The following DHX36 variants were observed in gnomAD, a reference collection of about 807,000 sequenced individuals.
DHX36 encodes the protein ATP-dependent DNA/RNA helicase DHX36.
A neutral mutation model predicts 139.0 loss-of-function variants in DHX36; 50 were observed. That is an observed-to-expected ratio of 0.36 (90% CI 0.29 to 0.46). The LOEUF is 0.46. DHX36 is among the 20% of genes least tolerant of loss of function. DHX36 has a pLI of 1.00. For missense variants in DHX36, 1,024 were observed against 1,211.3 expected (o/e 0.85, Z 2.29); for synonymous variants, 425 against 401.9 (o/e 1.06, Z -0.69).
At chr3:154,320,612 CAT>C (rs1036452205) in intron 1 of DHX36, among the ~76,000 whole-genome samples, 6 of 152,230 alleles carry the variant, frequency 3.9e-5, no homozygotes, top group African/African-American at 1.4e-4. Flanking sequence ...ATATCAAACT[CAT>C]AGTGTCCATA....
intron 12 of DHX36, among the ~76,000 whole-genome samples, chr3:154,297,826 T>C (rs575697352): frequency 4.6e-4 from 70 of 152,146 alleles, no homozygotes; most frequent in African/African-American, 1.6e-3. Context: ...GACTATATAA[T>C]TGGGAAAAAA....
intron 6 of DHX36, 72 bp downstream of exon 6, chr3:154,306,144 C>A: frequency 8.8e-7 from 1 of 1,133,514 alleles, no homozygotes; most frequent in Non-Finnish European, 1.3e-6. Context: ...GGGAAAATAT[C>A]CTTTCTTTTG....
At chr3:154,295,226 G>T in intron 13 of DHX36, 58 bp downstream of exon 13, 1 of 1,014,482 alleles carries the variant, frequency 9.9e-7, no homozygotes, top group Non-Finnish European at 1.5e-6. Flanking sequence ...GTAACAAGCA[G>T]TCCTTAAAGC....
At chr3:154,318,548 G>A (rs1391914303) in intron 1 of DHX36, among the ~76,000 whole-genome samples, 2 of 106,146 alleles carry the variant, frequency 1.9e-5, no homozygotes, top group African/African-American at 3.6e-5. Flanking sequence ...TAACATAACA[G>A]TCTACTGAAA....
intron 20 of DHX36, 30 bp downstream of exon 20, chr3:154,283,158 T>C (rs1027804181): frequency 3.3e-6 from 5 of 1,514,994 alleles, no homozygotes; most frequent in African/African-American, 2.7e-5. Flanking sequence ...CTAGCATATA[T>C]GATAATTACT....
intron 21 of DHX36, 44 bp downstream of exon 21, chr3:154,280,719 C>A: frequency 6.2e-7 from 1 of 1,603,514 alleles, no homozygotes; most frequent in South Asian, 1.1e-5. Context: ...AATACTGATA[C>A]AATAGACAAA....
chr3:154,276,103 A>G lies in DHX36; in HGVS notation c.*68T>C. 6.6e-7 allele frequency: 1 copy of G among 1,518,992 alleles called. No individual in the cohort carries two copies. The highest frequency in any genetic ancestry group is 1.3e-5 in the South Asian group (1 of 78,924). 94.1% of individuals were successfully genotyped at this position (1,518,992 alleles called of 1,614,324 possible). A position where few individuals can be genotyped will look rare whatever the true frequency, so the allele number is the denominator to read the frequency against. Reference sequence around the variant, plus strand: ...GTTCATGTCCCAGGGTTTGGCATCCAGCCAAAATTTAAACAATGATGAAGA... The same window carrying G: ...GTTCATGTCCCAGGGTTTGGCATCCGGCCAAAATTTAAACAATGATGAAGA... On this transcript the variant is annotated 3_prime_UTR_variant, in exon 25 of 25. Coordinates refer to ENST00000496811, the MANE Select transcript of DHX36 (RefSeq NM_020865.3).
intron 6 of DHX36, 97 bp downstream of exon 6, chr3:154,306,119 A>C: frequency 2.2e-6 from 2 of 891,514 alleles, no homozygotes; most frequent in East Asian, 5.0e-5. Context: ...AATAGTAATA[A>C]CCATCATAAA....
intron 12 of DHX36, among the ~76,000 whole-genome samples, chr3:154,296,406 G>A (rs896994497): frequency 4.6e-5 from 7 of 152,038 alleles, no homozygotes; most frequent in African/African-American, 1.4e-4. Flanking sequence ...CCTGGGAGGC[G>A]GAGCTTGCAG....
intron 5 of DHX36, 96 bp downstream of exon 5, chr3:154,309,557 G>T: frequency 3.6e-6 from 4 of 1,102,578 alleles, no homozygotes; most frequent in Non-Finnish European, 2.5e-6. Flanking sequence ...CCAATCCTAA[G>T]CCTAATTAAG....
chr3:154,288,753 G>A, intron 17 of DHX36, 113 bp downstream of exon 17: 1 of 476,950 alleles, frequency 2.1e-6, no homozygotes, highest in Non-Finnish European at 3.6e-6. Context: ...ATCAAATTTG[G>A]CATTGGACAT....
rs1415047644 is a variant in DHX36 at position 154,274,909 on chromosome 3, G to C, written c.*1262C>G. On this transcript the variant is annotated 3_prime_UTR_variant, in exon 25 of 25. Coordinates refer to ENST00000496811, the MANE Select transcript of DHX36 (RefSeq NM_020865.3). ...ATCACAATCTGATAGGGCTGAAAAT[G>C]TACAGCATGTGTTGTTACACTATTC... The C allele has an allele frequency of 6.6e-6, 1 of 152,204 alleles. No homozygotes were observed. The highest frequency in any genetic ancestry group is 1.5e-5 in the Non-Finnish European group (1 of 68,046). The allele number at this position is 152,204 out of a possible 1,614,324, so 9.4% of individuals were successfully genotyped here.
chr3:154,289,837 A>C lies in DHX36; in HGVS notation c.1815-11T>G, dbSNP rs1711712423. 6.6e-7 allele frequency: 1 copy of C among 1,508,424 alleles called. No homozygotes were observed. The highest frequency in any genetic ancestry group is 1.2e-5 in the South Asian group (1 of 81,888). 93.4% of individuals were successfully genotyped at this position (1,508,424 alleles called of 1,614,324 possible). On this transcript the variant is annotated splice_polypyrimidine_tract_variant and intron_variant, in intron 15 of 24. Coordinates refer to ENST00000496811, the MANE Select transcript of DHX36 (RefSeq NM_020865.3). ...TGACCAGGTTGAACTCTTAAAAAAA[A>C]AACAAAACAAAATGAAACAAAGAGG...
chr3:154,295,325 T>A lies in DHX36; in HGVS notation c.1564A>T (p.Ile522Leu). The change falls in exon 13 of 25, where the codon ATA (isoleucine) becomes TTA (leucine). Residue 522 changes from isoleucine to leucine, a missense_variant. Transcript: ENST00000496811. ...GTAGGCATCAGTGAATGTAAAGGTA[T>A]AATTAAAAATTTATCTGAAAATTAA... ...VMFKSDKFLI[I>L]PLHSLMPTVN... 6.6e-7 allele frequency: 1 copy of A among 1,525,700 alleles called. No individual in the cohort carries two copies. Among genetic ancestry groups the A allele is most frequent in the Non-Finnish European group, 8.9e-7 (1 of 1,122,722 alleles). The allele number at this position is 1,525,700 out of a possible 1,614,324, so 94.5% of individuals were successfully genotyped here.
intron 9 of DHX36, among the ~76,000 whole-genome samples, chr3:154,301,366 A>G (rs1712270367): frequency 6.6e-6 from 1 of 152,212 alleles, no homozygotes; most frequent in Non-Finnish European, 1.5e-5. Flanking sequence ...ATTTTTAGTC[A>G]AAAATTTAGA....
intron 16 of DHX36, 134 bp downstream of exon 16, chr3:154,289,575 T>A (rs1711700962): frequency 3.1e-6 from 2 of 637,170 alleles, no homozygotes; most frequent in African/African-American, 3.7e-5. Flanking sequence ...AACACACAAT[T>A]TACTAATGCA....
chr3:154,309,632 ATAAGT>A lies in DHX36; in HGVS notation c.813+16_813+20del, dbSNP rs772914346. ...ATTACTTTTAAAAAGACAATTTTTA[ATAAGT>A]TAAGAGATTACTTACTGAAATGGCA... is the stretch of plus-strand genomic sequence containing the variant. On this transcript the variant is annotated intron_variant, in intron 5 of 24. Coordinates refer to ENST00000496811, the MANE Select transcript of DHX36 (RefSeq NM_020865.3). The A allele has an allele frequency of 1.3e-6, 2 of 1,561,840 alleles. No individual in the cohort carries two copies. The highest frequency in any genetic ancestry group is 1.7e-6 in the Non-Finnish European group (2 of 1,158,652).
chr3:154,276,096 G>C lies in DHX36; in HGVS notation c.*75C>G. On this transcript the variant is annotated 3_prime_UTR_variant, in exon 25 of 25. Coordinates refer to ENST00000496811, the MANE Select transcript of DHX36 (RefSeq NM_020865.3). ...GAAAATTGTTCATGTCCCAGGGTTT[G>C]GCATCCAGCCAAAATTTAAACAATG... 2 of 1,478,620 alleles carry C rather than the reference G, an allele frequency of 1.4e-6. No individual in the cohort carries two copies. The highest frequency in any genetic ancestry group is 2.6e-5 in the South Asian group (2 of 76,484). The allele number at this position is 1,478,620 out of a possible 1,614,324, so 91.6% of individuals were successfully genotyped here.
intron 12 of DHX36, among the ~76,000 whole-genome samples, chr3:154,298,174 T>C (rs963362734): frequency 2.2e-4 from 34 of 152,226 alleles, no homozygotes; most frequent in Non-Finnish European, 4.1e-4. Context: ...ACGAAGTCAA[T>C]TATAATAATC....
Sources: gnomAD v4.1 joint callset for allele counts (sites outside exome capture counted in the v4.1 genomes callset) on GRCh38, gnomAD v4.1.1 for gene constraint, MANE v1.5 for transcripts, NCBI Gene and HGNC (gene_info 2026-07-23, HGNC 2026-07-21) for gene names.